The following ERAP1 variants were observed in gnomAD, a reference collection of about 807,000 sequenced individuals.
ERAP1 encodes the protein adipocyte-derived leucine aminopeptidase.
ERAP1 carries 86 observed loss-of-function variants against 103.7 expected under a neutral mutation model. The ratio of observed to expected loss-of-function variants is 0.83; its 90% confidence interval spans 0.70 to 0.99. ERAP1 has a LOEUF of 0.99. ERAP1 is among the 50% of genes least tolerant of loss of function. The pLI is 0.00. For synonymous variants in ERAP1, 398 were observed against 402.4 expected (o/e 0.99, Z 0.13); for missense variants, 1,009 against 1,128.4 (o/e 0.89, Z 1.52).
chr5:96,889,753 G>C, the ERAP1 span, among the ~76,000 whole-genome samples: 1 of 151,976 alleles, frequency 6.6e-6, no homozygotes, highest in Non-Finnish European at 1.5e-5. Flanking sequence ...CTGTGGGAGG[G>C]AAACACACCT....
At chr5:96,766,651 CA>C (rs1770081503) in intron 19 of ERAP1, among the ~76,000 whole-genome samples, 1 of 152,140 alleles carries the variant, frequency 6.6e-6, no homozygotes, top group Admixed American at 6.6e-5. Context: ...GTTTCTCTGC[CA>C]AAAAGTCCCT....
At chr5:96,899,577 T>G in the ERAP1 span, among the ~76,000 whole-genome samples, 1 of 152,246 alleles carries the variant, frequency 6.6e-6, no homozygotes, top group Non-Finnish European at 1.5e-5. Context: ...AATTGCCAAG[T>G]TGGTACTTTT....
chr5:96,874,060 A>C, the ERAP1 span, among the ~76,000 whole-genome samples: 76 of 151,542 alleles, frequency 5.0e-4, 1 homozygote, highest in African/African-American at 1.8e-3. Flanking sequence ...TAAGCAATAA[A>C]CTTCCCAAAG....
intron 10 of ERAP1, 92 bp downstream of exon 10, chr5:96,790,204 G>T: frequency 1.9e-6 from 2 of 1,041,040 alleles, no homozygotes; most frequent in Non-Finnish European, 3.0e-6. Flanking sequence ...ATATAATCAA[G>T]GACCTCAGAA....
chr5:96,772,383 T>C (rs1423320651), downstream of ERAP1: 1 of 152,712 alleles, frequency 6.5e-6, no homozygotes, highest in African/African-American at 2.4e-5. Flanking sequence ...AATCAAAGTA[T>C]AGGTTAAATC....
At chr5:96,883,945 A>G in the ERAP1 span, 1 of 1,549,204 alleles carries the variant, frequency 6.5e-7, no homozygotes, top group Non-Finnish European at 8.7e-7. Flanking sequence ...GTCCACTTCC[A>G]GAAACTTTTA....
chr5:96,851,774 G>C, the ERAP1 span, among the ~76,000 whole-genome samples: 1 of 152,288 alleles, frequency 6.6e-6, no homozygotes, highest in East Asian at 1.9e-4. Flanking sequence ...GTCAAGAAAA[G>C]CCAAGAAACT....
the ERAP1 span, among the ~76,000 whole-genome samples, chr5:96,815,948 C>T: frequency 6.6e-5 from 10 of 152,058 alleles, no homozygotes; most frequent in South Asian, 1.9e-3. Context: ...AGATAGAGAT[C>T]GAGATATAGC....
At chr5:96,887,034 C>G in the ERAP1 span, among the ~76,000 whole-genome samples, 1 of 146,982 alleles carries the variant, frequency 6.8e-6, no homozygotes, top group East Asian at 2.0e-4. Context: ...TACATAGTAA[C>G]AGTATTTACT....
At position 96,781,205 on chromosome 5, in the gene ERAP1, G is replaced by A. The variant is rs766894101; in HGVS notation, c.2448-7C>T. ...AAAGCTTTCATCTAGTAGCCTAGAAGGATTAAGAAAAGAAATGTTAGCAAT... is the reference window on the plus strand; with the variant it reads ...AAAGCTTTCATCTAGTAGCCTAGAAAGATTAAGAAAAGAAATGTTAGCAAT... On this transcript the variant is annotated splice_region_variant and splice_polypyrimidine_tract_variant and intron_variant, in intron 16 of 18. Transcript: ENST00000443439. 4 of 1,611,180 alleles carry A rather than the reference G, an allele frequency of 2.5e-6. No individual in the cohort carries two copies. Among genetic ancestry groups the A allele is most frequent in the South Asian group, 1.1e-5 (1 of 90,928 alleles).
chr5:96,777,458 G>T (rs1031202930), intron 18 of ERAP1, among the ~76,000 whole-genome samples: 3 of 152,176 alleles, frequency 2.0e-5, no homozygotes, highest in African/African-American at 7.2e-5. Context: ...GGAATAAAGA[G>T]GGGAGTAGGA....
chr5:96,776,464 C>T lies in ERAP1; in HGVS notation c.2758G>A (p.Gly920Ser), dbSNP rs200883678. The T allele has an allele frequency of 7.7e-5, 124 of 1,613,976 alleles. No homozygotes were observed. Among genetic ancestry groups the T allele is most frequent in the Middle Eastern group, 1.6e-4 (1 of 6,084 alleles). ...TTATCAAAATTCTTATCCATCCAAC[C>T]GATGTTTTCTTCAATGGTTTCAATT... is the stretch of plus-strand genomic sequence containing the variant. ...QTIETIEENI[G>S]WMDKNFDKIR... The change falls in exon 19 of 19, where the codon GGT (glycine) becomes AGT (serine). Residue 920 changes from glycine to serine, a missense_variant. By Grantham distance (56) the Gly-to-Ser change is moderately conservative (BLOSUM62 0). Around this residue, in one of 3 missense-constraint regions of ERAP1, gnomAD observed 611 missense variants for 651.7 expected, o/e 0.94. Transcript: ENST00000443439.
At chr5:96,806,885 G>T (rs534151648) in intron 1 of ERAP1, among the ~76,000 whole-genome samples, 4 of 149,438 alleles carry the variant, frequency 2.7e-5, no homozygotes, top group African/African-American at 9.8e-5. Context: ...TTTCTATTCA[G>T]GCCGCACCTG....
At chr5:96,892,685 T>C in the ERAP1 span, among the ~76,000 whole-genome samples, 2 of 152,126 alleles carry the variant, frequency 1.3e-5, no homozygotes, top group African/African-American at 4.8e-5. Flanking sequence ...CTAAAACCTT[T>C]CAAAGCAAAG....
chr5:96,798,141 C>T (rs936446220), intron 3 of ERAP1, among the ~76,000 whole-genome samples: 8 of 151,906 alleles, frequency 5.3e-5, no homozygotes, highest in African/African-American at 9.7e-5. Context: ...CTGGCTAACA[C>T]GGTGGAACCC....
the ERAP1 span, chr5:96,896,986 T>C: frequency 2.8e-6 from 1 of 363,504 alleles, no homozygotes; most frequent in Non-Finnish European, 3.8e-6. Flanking sequence ...TGCTATGTTG[T>C]CATGGTCTAT....
At chr5:96,879,832 T>TC in the ERAP1 span, 1 of 1,614,146 alleles carries the variant, frequency 6.2e-7, no homozygotes, top group Middle Eastern at 1.6e-4. Flanking sequence ...TCACTGAGGA[T>TC]CCTGGGGCTT....
chr5:96,851,129 G>A, the ERAP1 span, among the ~76,000 whole-genome samples: 1 of 152,164 alleles, frequency 6.6e-6, no homozygotes, highest in South Asian at 2.1e-4. Flanking sequence ...GTAATTAAAA[G>A]CCCAGGATAA....
the ERAP1 span, among the ~76,000 whole-genome samples, chr5:96,841,148 T>C: frequency 2.6e-5 from 4 of 152,202 alleles, no homozygotes; most frequent in Non-Finnish European, 5.9e-5. Flanking sequence ...TCTCCTAATT[T>C]TCTACTTGCT....
Sources: allele counts gnomAD v4.1 joint callset (sites outside exome capture counted in the v4.1 genomes callset), GRCh38; gene constraint gnomAD v4.1.1; regional missense constraint gnomAD v4.1.1; transcripts MANE v1.5; gene names NCBI Gene and HGNC (gene_info 2026-07-23, HGNC 2026-07-21).